Variants in RGS7 observed in about 807,000 individuals in gnomAD.
RGS7 encodes the protein regulator of G protein signaling 7.
Under a neutral mutation model 81.1 loss-of-function variants are expected in RGS7, and 27 were observed. That is an observed-to-expected ratio of 0.33 (90% CI 0.25 to 0.46). The LOEUF (loss-of-function observed/expected upper bound fraction) is 0.46. Among genes scored for constraint, RGS7 ranks in the 20% least tolerant of loss-of-function variants. The probability of loss-of-function intolerance (pLI) is 1.00; values close to 1 mark genes in which losing one functional copy is unlikely to be tolerated. For missense variants in RGS7, 396 were observed against 607.4 expected, an observed-to-expected ratio of 0.65 and a Z score of 3.66; for synonymous variants, 208 against 207.7, an observed-to-expected ratio of 1.00 and a Z score of -0.01.
chr1:240,823,202 T>C (rs1692125038), intron 10 of RGS7: 8 of 890,622 alleles, frequency 9.0e-6, no homozygotes, highest in South Asian at 1.3e-5. Context: ...AGCGTGTCCA[T>C]GGACTTCTTC....
At chr1:241,123,898 T>C (rs1235928015) in intron 2 of RGS7, among the ~76,000 whole-genome samples, 2 of 152,178 alleles carry the variant, frequency 1.3e-5, no homozygotes, top group African/African-American at 4.8e-5. Context: ...ACCCTCACCT[T>C]AGAAGAGGGC....
intron 3 of RGS7, among the ~76,000 whole-genome samples, chr1:241,092,279 A>C (rs533217915): frequency 1.4e-4 from 21 of 152,358 alleles, no homozygotes; most frequent in African/African-American, 4.6e-4. Flanking sequence ...TATCTTACAA[A>C]TTTAAAATTA....
intron 2 of RGS7, among the ~76,000 whole-genome samples, chr1:241,225,486 C>T (rs1479252727): frequency 2.6e-5 from 4 of 152,130 alleles, no homozygotes; most frequent in African/African-American, 7.2e-5. Context: ...GTAGAGAGGA[C>T]GCTTCTCACG....
At chr1:240,923,064 T>A (rs1456265081) in intron 6 of RGS7, among the ~76,000 whole-genome samples, 1 of 152,078 alleles carries the variant, frequency 6.6e-6, no homozygotes, top group Non-Finnish European at 1.5e-5. Context: ...GGAGAAACTA[T>A]AACAAATCTT....
intron 3 of RGS7, among the ~76,000 whole-genome samples, chr1:241,080,104 G>T (rs2063048721): frequency 1.3e-5 from 2 of 151,848 alleles, no homozygotes; most frequent in South Asian, 4.2e-4. Flanking sequence ...AATGAGTATT[G>T]ACATCATCAT....
chr1:241,235,909 T>G (rs1007961252), intron 2 of RGS7, among the ~76,000 whole-genome samples: 1 of 137,902 alleles, frequency 7.3e-6, no homozygotes, highest in African/African-American at 2.6e-5. Context: ...AGATGCACTT[T>G]GAGAGAGAGA....
At chr1:240,998,631 G>T in intron 3 of RGS7, 1 of 949,032 alleles carries the variant, frequency 1.1e-6, no homozygotes, top group Admixed American at 1.7e-5. Context: ...GGCTCCCCAT[G>T]TTGACTTTGG....
chr1:241,113,575 C>T (rs532897864), intron 2 of RGS7, among the ~76,000 whole-genome samples: 2 of 152,310 alleles, frequency 1.3e-5, no homozygotes, highest in African/African-American at 4.8e-5. Flanking sequence ...GCTCCCTTAA[C>T]GTTTTGATAC....
At chr1:240,890,381 G>A (rs918177834) in intron 6 of RGS7, among the ~76,000 whole-genome samples, 1 of 152,134 alleles carries the variant, frequency 6.6e-6, no homozygotes, top group Non-Finnish European at 1.5e-5. Flanking sequence ...TCGATCTCTT[G>A]ACCTTGTGAT....
intron 4 of RGS7, among the ~76,000 whole-genome samples, chr1:240,937,699 T>C (rs1676878932): frequency 6.6e-6 from 1 of 152,180 alleles, no homozygotes; most frequent in Non-Finnish European, 1.5e-5. Flanking sequence ...CTCAATATCA[T>C]AGCAATCTAG....
rs560723868 is a variant in RGS7 at position 241,090,971 on chromosome 1, G to A, written c.175+7695C>T. 2.8e-4 allele frequency among the ~76,000 whole-genome samples: 42 copies of A among 152,232 alleles called. 1 individual carries two copies. In the South Asian group the frequency reaches 8.3e-3, roughly 30 times the overall value. ...AAACAACACAGGACATCATGTGAAG[G>A]ACAACTAACGTGGGGTTACCCATGA... On this transcript the variant is annotated intron_variant, in intron 3 of 18. Transcript: ENST00000440928.
intron 3 of RGS7, among the ~76,000 whole-genome samples, chr1:240,983,791 T>C (rs1685273222): frequency 6.6e-6 from 1 of 152,196 alleles, no homozygotes; most frequent in Admixed American, 6.5e-5. Flanking sequence ...AGCTGTTTAT[T>C]TGATGAATGC....
chr1:241,140,925 G>A (rs1024166772), intron 2 of RGS7, among the ~76,000 whole-genome samples: 6 of 152,266 alleles, frequency 3.9e-5, no homozygotes, highest in South Asian at 2.1e-4. Context: ...CTCTGATCTT[G>A]TAGCACTTTG....
intron 2 of RGS7, among the ~76,000 whole-genome samples, chr1:241,279,169 T>C (rs1185016022): frequency 6.6e-6 from 1 of 151,600 alleles, no homozygotes; most frequent in African/African-American, 2.4e-5. Context: ...TAACATAATA[T>C]AATTACATAG....
At chr1:241,321,982 C>T (rs1212281476) in intron 2 of RGS7, among the ~76,000 whole-genome samples, 1 of 152,162 alleles carries the variant, frequency 6.6e-6, no homozygotes, top group East Asian at 1.9e-4. Context: ...GTGTTGTTCT[C>T]TGAGCATTCA....
chr1:241,148,516 G>A (rs2068519825), intron 2 of RGS7, among the ~76,000 whole-genome samples: 1 of 152,178 alleles, frequency 6.6e-6, no homozygotes, highest in Non-Finnish European at 1.5e-5. Context: ...CCTCAGCTCA[G>A]TGCCCCAGTG....
chr1:240,818,811 C>G (rs1691277073), intron 10 of RGS7, among the ~76,000 whole-genome samples: 1 of 151,976 alleles, frequency 6.6e-6, no homozygotes, highest in Non-Finnish European at 1.5e-5. Context: ...AGCTCTTGGT[C>G]AACGGGTACA....
chr1:241,086,328 T>C (rs1338048431), intron 3 of RGS7, among the ~76,000 whole-genome samples: 1 of 152,172 alleles, frequency 6.6e-6, no homozygotes, highest in African/African-American at 2.4e-5. Flanking sequence ...GGCATAGTGG[T>C]GCATTCATTG....
chr1:240,955,575 AAAAAAAAAC>A (rs1680269887), intron 4 of RGS7, among the ~76,000 whole-genome samples: 1 of 142,882 alleles, frequency 7.0e-6, no homozygotes, highest in African/African-American at 2.8e-5. Context: ...AAAAAAAAAA[AAAAAAAAAC>A]CGATTTGGAA....
Sources: gnomAD v4.1 joint callset for allele counts (sites outside exome capture counted in the v4.1 genomes callset) on GRCh38, gnomAD v4.1.1 for gene constraint, MANE v1.5 for transcripts, NCBI Gene and HGNC (gene_info 2026-07-23, HGNC 2026-07-21) for gene names.